Variants in UBA2 observed in about 807,000 individuals in gnomAD.
UBA2 encodes SUMO-activating enzyme subunit 2.
In UBA2, 11 loss-of-function variants were observed where a neutral mutation model predicts 77.2. The ratio of observed to expected loss-of-function variants is 0.14; its 90% confidence interval spans 0.09 to 0.24. UBA2 has a LOEUF of 0.24. UBA2 is among the 10% of genes least tolerant of loss of function. The probability of loss-of-function intolerance (pLI) is 1.00; values close to 1 mark genes in which losing one functional copy is unlikely to be tolerated. For missense variants in UBA2, 487 were observed against 781.7 expected (o/e 0.62, Z 4.50); for synonymous variants, 278 against 276.7 (o/e 1.00, Z -0.05).
chr19:34,447,321 T>G (rs902854910), intron 8 of UBA2, among the ~76,000 whole-genome samples: 1 of 152,172 alleles, frequency 6.6e-6, no homozygotes, highest in African/African-American at 2.4e-5. Context: ...CAAATATTAA[T>G]GTCTTTTGGC....
At chr19:34,445,690 G>C (rs1057249540) in intron 8 of UBA2, among the ~76,000 whole-genome samples, 2 of 151,950 alleles carry the variant, frequency 1.3e-5, no homozygotes, top group African/African-American at 4.8e-5. Flanking sequence ...TGCCCACCTT[G>C]GCTTCCCAAA....
At chr19:34,449,359 G>A (rs1200658051) in intron 8 of UBA2, among the ~76,000 whole-genome samples, 2 of 152,028 alleles carry the variant, frequency 1.3e-5, no homozygotes, top group African/African-American at 4.8e-5. Flanking sequence ...GAGCCACCAC[G>A]CCTGGCCAGA....
At chr19:34,460,775 T>C (rs2075622445) in intron 14 of UBA2, among the ~76,000 whole-genome samples, 1 of 152,218 alleles carries the variant, frequency 6.6e-6, no homozygotes, top group South Asian at 2.1e-4. Context: ...GGGACTGCAG[T>C]GCTCTTGTCC....
chr19:34,428,424 T>A lies in UBA2; in HGVS notation c.-9T>A, dbSNP rs1390305517. On this transcript the variant is annotated 5_prime_UTR_variant, in exon 1 of 17. Coordinates refer to ENST00000246548, the MANE Select transcript of UBA2 (RefSeq NM_005499.3). ...CTCCGCCTCCGCCGCGGCTCGTGGT[T>A]GTCCCGCCATGGCACTGTCGCGGGG... 4 of 1,257,512 alleles carry A rather than the reference T, an allele frequency of 3.2e-6. No homozygotes were observed. In the African/African-American group the frequency reaches 6.1e-5, roughly 19 times the overall value. The allele number at this position is 1,257,512 out of a possible 1,614,324, so 77.9% of individuals were successfully genotyped here. A position where few individuals can be genotyped will look rare whatever the true frequency, so the allele number is the denominator to read the frequency against.
intron 5 of UBA2, among the ~76,000 whole-genome samples, chr19:34,435,601 A>ACG (rs1406292265): frequency 6.7e-6 from 1 of 150,196 alleles, no homozygotes; most frequent in Non-Finnish European, 1.5e-5. Flanking sequence ...AGGCTGAGGT[A>ACG]GGCAGATGAC....
intron 16 of UBA2, chr19:34,467,259 G>A (rs1355133936): frequency 4.8e-6 from 2 of 417,292 alleles, no homozygotes; most frequent in East Asian, 7.8e-5. Flanking sequence ...CTTGAGGCCA[G>A]GAGTTGGAGA....
chr19:34,457,148 G>A (rs1311872508), intron 12 of UBA2, among the ~76,000 whole-genome samples: 1 of 107,374 alleles, frequency 9.3e-6, no homozygotes, highest in Admixed American at 1.2e-4. Flanking sequence ...GACTAACGTG[G>A]AGAAACCTGG....
chr19:34,436,916 C>A (rs895437791), intron 5 of UBA2, among the ~76,000 whole-genome samples: 1 of 152,136 alleles, frequency 6.6e-6, no homozygotes, highest in African/African-American at 2.4e-5. Flanking sequence ...TAAGTGGAGG[C>A]CTTCAGTATC....
intron 5 of UBA2, among the ~76,000 whole-genome samples, chr19:34,437,857 C>G (rs1223362142): frequency 8.6e-5 from 13 of 152,036 alleles, no homozygotes; most frequent in Admixed American, 8.5e-4. Flanking sequence ...GAGTTCAAGA[C>G]CAAGCTGGCC....
At chr19:34,451,116 C>G (rs2075490492) in intron 9 of UBA2, among the ~76,000 whole-genome samples, 1 of 152,120 alleles carries the variant, frequency 6.6e-6, no homozygotes. Flanking sequence ...ATCCTCCTCC[C>G]TCAGTCTCCT....
chr19:34,457,179 A>AAAAAATATATATATATATATAT (rs1262007864), intron 12 of UBA2, among the ~76,000 whole-genome samples: 2 of 53,220 alleles, frequency 3.8e-5, no homozygotes, highest in African/African-American at 1.2e-4. Flanking sequence ...AAAAAAAAAA[A>AAAAAATATATATATATATATAT]ATATATATAT....
chr19:34,443,545 G>A (rs1040583654), intron 6 of UBA2, among the ~76,000 whole-genome samples: 2 of 151,082 alleles, frequency 1.3e-5, no homozygotes, highest in African/African-American at 2.4e-5. Context: ...GGGTTCAAGC[G>A]ATTCTCCTGC....
chr19:34,467,420 A>G (rs1020143629), intron 16 of UBA2, among the ~76,000 whole-genome samples: 3 of 149,916 alleles, frequency 2.0e-5, no homozygotes, highest in African/African-American at 7.4e-5. Context: ...GTGAGCCATG[A>G]TTGCACCACT....
At chr19:34,437,780 G>T (rs78892828) in intron 5 of UBA2, among the ~76,000 whole-genome samples, 16,873 of 151,534 alleles carry the variant, frequency 0.11, 1,332 homozygotes, top group African/African-American at 0.22. Flanking sequence ...TGGGCTGGGC[G>T]CAGTGGCTCA....
chr19:34,445,435 CTTTTTT>C (rs67809236), intron 8 of UBA2, among the ~76,000 whole-genome samples: 1 of 73,110 alleles, frequency 1.4e-5, no homozygotes, highest in Non-Finnish European at 2.7e-5. Flanking sequence ...CTCATCTTCA[CTTTTTT>C]TTTTTTTTTT....
rs1437231260 is a variant in UBA2, at chr19:34,452,066, A to C, written c.957A>C (p.Ala319=). 4 of 1,611,902 alleles carry C rather than the reference A, an allele frequency of 2.5e-6. No individual in the cohort carries two copies. The highest frequency in any genetic ancestry group is 3.4e-6 in the Non-Finnish European group (4 of 1,178,332). Reference sequence around the variant, plus strand: ...AGGTTCTAGATGTAAAGAGCTATGCACGTCTTTTTTCAAAGAGCATCGAGA... The same window carrying C: ...AGGTTCTAGATGTAAAGAGCTATGCCCGTCTTTTTTCAAAGAGCATCGAGA... ...DQQVLDVKSY[A]RLFSKSIETL... Residue 319 remains alanine, a synonymous_variant, in exon 10 of 17, where the codon GCA becomes GCC. Coordinates refer to ENST00000246548, the MANE Select transcript of UBA2 (RefSeq NM_005499.3).
intron 8 of UBA2, among the ~76,000 whole-genome samples, chr19:34,445,629 G>A (rs983077595): frequency 1.4e-4 from 21 of 152,022 alleles, no homozygotes; most frequent in African/African-American, 5.1e-4. Context: ...GTAGAAGCGG[G>A]GTCTCACCAT....
chr19:34,454,216 T>C (rs773804523), intron 10 of UBA2, 44 bp from the exon 11 acceptor site: 3 of 1,487,432 alleles, frequency 2.0e-6, no homozygotes, highest in Non-Finnish European at 2.8e-6. Flanking sequence ...TTCAAAATAG[T>C]CAATTTGTGG....
chr19:34,437,558 C>T lies in UBA2; in HGVS notation c.460-1087C>T, dbSNP rs2075322837. Among the ~76,000 whole-genome samples, 4 of 151,646 alleles carry T rather than the reference C, an allele frequency of 2.6e-5. No individual in the cohort carries two copies. In the South Asian group the frequency reaches 6.2e-4, roughly 24 times the overall value. On this transcript the variant is annotated intron_variant, in intron 5 of 16. Coordinates refer to ENST00000246548, the MANE Select transcript of UBA2 (RefSeq NM_005499.3). ...CCGGGAGGCAGAGGTTGTGGTGAGCCTAGATCACGCCATTGCACTCCAACC... is the reference window on the plus strand; with the variant it reads ...CCGGGAGGCAGAGGTTGTGGTGAGCTTAGATCACGCCATTGCACTCCAACC...
Sources: allele counts gnomAD v4.1 joint callset (sites outside exome capture counted in the v4.1 genomes callset), GRCh38; gene constraint gnomAD v4.1.1; transcripts MANE v1.5; gene names NCBI Gene and HGNC (gene_info 2026-07-23, HGNC 2026-07-21).